Variants in DLG1 observed in about 807,000 individuals in gnomAD.
DLG1 encodes discs large MAGUK scaffold protein 1.
DLG1 carries 42 observed loss-of-function variants against 123.4 expected under a neutral mutation model. The observed-to-expected ratio is 0.34, with a 90% CI of 0.27 to 0.44. The LOEUF (loss-of-function observed/expected upper bound fraction) is 0.44, where lower values mean the gene tolerates loss of function less well. Among genes scored for constraint, DLG1 ranks in the 20% least tolerant of loss-of-function variants. The pLI is 1.00. For missense variants in DLG1, 942 were observed against 1,082.6 expected, an observed-to-expected ratio of 0.87 and a Z score of 1.82; for synonymous variants, 317 against 356.2, an observed-to-expected ratio of 0.89 and a Z score of 1.24.
intron 24 of DLG1, 42 bp from the exon 25 acceptor site, chr3:197,044,771 C>CTAT: frequency 7.9e-7 from 1 of 1,258,142 alleles, no homozygotes. Flanking sequence ...CATTAATTGT[C>CTAT]TATTTTTGCC....
intron 4 of DLG1, among the ~76,000 whole-genome samples, chr3:197,274,521 AC>A (rs1425289127): frequency 6.6e-6 from 1 of 152,166 alleles, no homozygotes; most frequent in African/African-American, 2.4e-5. Flanking sequence ...ACGACACGAT[AC>A]GATACGAAAA....
intron 4 of DLG1, among the ~76,000 whole-genome samples, chr3:197,256,290 A>T (rs978268664): frequency 2.6e-5 from 4 of 152,284 alleles, no homozygotes; most frequent in Non-Finnish European, 5.9e-5. Flanking sequence ...CTGCCACTGT[A>T]GCACTAAAGC....
At chr3:197,169,408 G>A (rs1253169834) in intron 5 of DLG1, among the ~76,000 whole-genome samples, 1 of 152,114 alleles carries the variant, frequency 6.6e-6, no homozygotes, top group Non-Finnish European at 1.5e-5. Context: ...ATGGACATAT[G>A]AGCAGTCAAA....
intron 3 of DLG1, among the ~76,000 whole-genome samples, chr3:197,284,942 A>C (rs936948286): frequency 3.3e-5 from 5 of 152,024 alleles, no homozygotes; most frequent in Non-Finnish European, 5.9e-5. Flanking sequence ...CAAAGCTCTA[A>C]CATGTACACT....
At chr3:197,253,150 A>G (rs1199520586) in intron 4 of DLG1, among the ~76,000 whole-genome samples, 3 of 152,334 alleles carry the variant, frequency 2.0e-5, no homozygotes, top group Admixed American at 6.5e-5. Context: ...CTGGGAGAAA[A>G]TATCTGGAAA....
At chr3:197,208,863 T>C (rs569943578) in intron 4 of DLG1, among the ~76,000 whole-genome samples, 1 of 146,150 alleles carries the variant, frequency 6.8e-6, no homozygotes, top group African/African-American at 2.4e-5. Flanking sequence ...AGCTTTTAAA[T>C]TTCAAGCCAT....
rs569985675 is a variant in DLG1, at chr3:197,287,385, G to A, written c.152-4540C>T. On this transcript the variant is annotated intron_variant, in intron 3 of 24. Coordinates refer to ENST00000667157, the MANE Select transcript of DLG1 (RefSeq NM_001366207.1). ...AAAGTCTTGAAAGAATTTGAATACA[G>A]GTTTTTACAATCTTGGCAATAGATT... Among the ~76,000 whole-genome samples, 7 of 152,244 alleles carry A rather than the reference G, an allele frequency of 4.6e-5. No individual in the cohort carries two copies. In the East Asian group the frequency reaches 1.3e-3, roughly 29 times the overall value.
intron 11 of DLG1, among the ~76,000 whole-genome samples, chr3:197,124,403 T>C (rs1212757886): frequency 6.6e-6 from 1 of 151,874 alleles, no homozygotes; most frequent in Non-Finnish European, 1.5e-5. Flanking sequence ...GCCTCCCGAG[T>C]AGTGGGGACT....
intron 10 of DLG1, among the ~76,000 whole-genome samples, chr3:197,132,110 C>G (rs569604264): frequency 3.9e-5 from 6 of 151,918 alleles, no homozygotes; most frequent in African/African-American, 1.4e-4. Flanking sequence ...AGCCTTCTCT[C>G]TTTTTTCTTG....
chr3:197,248,436 C>T (rs1256833675), intron 4 of DLG1, among the ~76,000 whole-genome samples: 1 of 152,148 alleles, frequency 6.6e-6, no homozygotes, highest in Non-Finnish European at 1.5e-5. Flanking sequence ...GAGACCTTTC[C>T]CCAGAGGAGA....
chr3:197,162,623 C>T (rs535052827), intron 5 of DLG1, among the ~76,000 whole-genome samples: 1 of 152,260 alleles, frequency 6.6e-6, no homozygotes, highest in East Asian at 1.9e-4. Flanking sequence ...TGTATGGAGT[C>T]TCTTCAACAA....
intron 11 of DLG1, among the ~76,000 whole-genome samples, chr3:197,120,750 T>C (rs965774145): frequency 2.6e-5 from 4 of 152,140 alleles, no homozygotes; most frequent in African/African-American, 7.2e-5. Flanking sequence ...ACTGAAACGA[T>C]AGTATTTTAG....
At chr3:197,251,382 T>G (rs1397852086) in intron 4 of DLG1, among the ~76,000 whole-genome samples, 2 of 152,132 alleles carry the variant, frequency 1.3e-5, no homozygotes, top group African/African-American at 4.8e-5. Flanking sequence ...ATCACGCTAC[T>G]TGACTTCAAA....
chr3:197,057,725 C>G (rs1383321049), intron 23 of DLG1, among the ~76,000 whole-genome samples: 2 of 152,126 alleles, frequency 1.3e-5, no homozygotes, highest in Non-Finnish European at 2.9e-5. Flanking sequence ...AGCCCTTTGT[C>G]CCTTTTCCTG....
intron 4 of DLG1, among the ~76,000 whole-genome samples, chr3:197,206,814 G>T (rs1728745541): frequency 7.4e-6 from 1 of 135,044 alleles, no homozygotes; most frequent in South Asian, 2.5e-4. Context: ...AAATCCAAGA[G>T]AAATGTAAAA....
rs1721358133 is a variant in DLG1, at chr3:197,043,724, G to GT, written c.*898_*899insA. On this transcript the variant is annotated 3_prime_UTR_variant, in exon 25 of 25. Transcript: ENST00000667157. ...GTGGGTAAAATATTCAGTAAAATCT[G>GT]ACTCCTAAGAATACATTTGAAGTTT... is the stretch of plus-strand genomic sequence containing the variant. The GT allele has an allele frequency of 6.6e-6, 1 of 151,742 alleles. No homozygotes were observed. Among genetic ancestry groups the GT allele is most frequent in the Non-Finnish European group, 1.5e-5 (1 of 67,934 alleles). 9.4% of individuals were successfully genotyped at this position (151,742 alleles called of 1,614,324 possible). A position where few individuals can be genotyped will look rare whatever the true frequency, so the allele number is the denominator to read the frequency against.
chr3:197,177,755 T>C (rs73086547), intron 5 of DLG1, among the ~76,000 whole-genome samples: 1,635 of 152,302 alleles, frequency 0.011, 31 homozygotes, highest in African/African-American at 0.037. Context: ...GTCTGAGTTA[T>C]ATAGTTATCC....
At position 197,044,728 on chromosome 3, in the gene DLG1, A is replaced by G; in HGVS notation, c.2577T>C (p.Ala859=). The G allele has an allele frequency of 6.5e-7, 1 of 1,527,764 alleles. No homozygotes were observed. The highest frequency in any genetic ancestry group is 1.7e-4 in the Middle Eastern group (1 of 5,786). The allele number at this position is 1,527,764 out of a possible 1,614,324, so 94.6% of individuals were successfully genotyped here. A position where few individuals can be genotyped will look rare whatever the true frequency, so the allele number is the denominator to read the frequency against. The change falls in exon 25 of 25, where the codon GCT becomes GCC. Residue 859 remains alanine (A), a splice_region_variant and synonymous_variant. Coordinates refer to ENST00000667157, the MANE Select transcript of DLG1 (RefSeq NM_001366207.1). ...LEQEFTEHFT[A]IVQGDTLEDI... is the part of the protein sequence containing the mutation. ...CTTCCAGCGTATCCCCCTGTACAATAGCTGTAATGATAGAAACAAAATCAG... is the reference window on the plus strand; with the variant it reads ...CTTCCAGCGTATCCCCCTGTACAATGGCTGTAATGATAGAAACAAAATCAG...
intron 19 of DLG1, chr3:197,068,429 C>A: frequency 8.0e-6 from 8 of 1,002,768 alleles, no homozygotes; most frequent in South Asian, 3.1e-5. Flanking sequence ...AATAATCAAC[C>A]AAATGAATGA....
Sources: gnomAD v4.1 joint callset for allele counts (sites outside exome capture counted in the v4.1 genomes callset) on GRCh38, gnomAD v4.1.1 for gene constraint, MANE v1.5 for transcripts, NCBI Gene and HGNC (gene_info 2026-07-23, HGNC 2026-07-21) for gene names.